Variants in SIPA1L1 observed in about 807,000 individuals in gnomAD.
SIPA1L1 encodes the protein signal induced proliferation associated 1 like 1.
SIPA1L1 carries 26 observed loss-of-function variants against 162.7 expected under a neutral mutation model. The ratio of observed to expected loss-of-function variants is 0.16; its 90% CI spans 0.12 to 0.22. The LOEUF (loss-of-function observed/expected upper bound fraction) is 0.22, where lower values mean the gene tolerates loss of function less well. Ranked by LOEUF, SIPA1L1 falls within the 10% of genes least tolerant of loss-of-function variation. The probability of loss-of-function intolerance (pLI) is 1.00; values close to 1 mark genes in which losing one functional copy is unlikely to be tolerated. For missense variants in SIPA1L1, 1,874 were observed against 2,241.0 expected (o/e 0.84, Z 3.31); for synonymous variants, 829 against 837.4 (o/e 0.99, Z 0.17).
At chr14:71,389,770 T>G (rs1274021120) in intron 2 of SIPA1L1, among the ~76,000 whole-genome samples, 1 of 152,186 alleles carries the variant, frequency 6.6e-6, no homozygotes, top group Non-Finnish European at 1.5e-5. Flanking sequence ...TCACATTTAG[T>G]AGAGACTCAT....
chr14:71,379,086 G>C (rs906693962), intron 2 of SIPA1L1, among the ~76,000 whole-genome samples: 2 of 151,958 alleles, frequency 1.3e-5, no homozygotes, highest in African/African-American at 4.8e-5. Context: ...GCTTCCTCCT[G>C]GTGACTTCCT....
intron 5 of SIPA1L1, among the ~76,000 whole-genome samples, chr14:71,596,249 A>G (rs1297992234): frequency 6.6e-6 from 1 of 152,176 alleles, no homozygotes; most frequent in Non-Finnish European, 1.5e-5. Context: ...AGCATTAGAG[A>G]AGCATTACTA....
Position 71,427,509 on chromosome 14 carries a change from CTT to C in SIPA1L1, c.-464-85232_-464-85231del, listed in dbSNP as rs1276644061. 5.9e-5 allele frequency among the ~76,000 whole-genome samples: 9 copies of C among 152,246 alleles called. No homozygotes were observed. The East Asian group carries it at 1.4e-3, about 23-fold the overall frequency. Reference sequence around the variant, plus strand: ...TTATAATGTGTATCAATGGGGGTCTCTTTGAGTTTTCTTGTCTCCTTTTGGAA... The same window carrying C: ...TTATAATGTGTATCAATGGGGGTCTCTGAGTTTTCTTGTCTCCTTTTGGAA... On this transcript the variant is annotated intron_variant, in intron 2 of 23. Transcript: ENST00000381232.
intron 7 of SIPA1L1, among the ~76,000 whole-genome samples, chr14:71,636,703 A>G (rs573092159): frequency 6.6e-6 from 1 of 152,360 alleles, no homozygotes; most frequent in African/African-American, 2.4e-5. Context: ...TCAGAAATCA[A>G]TGAAATTAAA....
chr14:71,719,125 A>G (rs2083490181), intron 17 of SIPA1L1, among the ~76,000 whole-genome samples: 1 of 151,814 alleles, frequency 6.6e-6, no homozygotes, highest in South Asian at 2.1e-4. Flanking sequence ...TTTTTTATGG[A>G]AACAGGGTTC....
chr14:71,382,964 A>G (rs532765583), intron 2 of SIPA1L1, among the ~76,000 whole-genome samples: 3 of 152,278 alleles, frequency 2.0e-5, no homozygotes, highest in African/African-American at 7.2e-5. Flanking sequence ...GATTTCCCCA[A>G]TGAATAGAGG....
At chr14:71,702,633 C>G (rs951985931) in intron 15 of SIPA1L1, 128 bp downstream of exon 15, 1 of 830,268 alleles carries the variant, frequency 1.2e-6, no homozygotes, top group Non-Finnish European at 1.9e-6. Flanking sequence ...AGAATTAAGT[C>G]TCTGTTAGAT....
In SIPA1L1 at chr14:71,321,115, T is replaced by C. The variant is rs989581464; in HGVS notation, c.-524-7T>C. 48 of 151,890 alleles carry C rather than the reference T, an allele frequency of 3.2e-4. No homozygotes were observed. Among genetic ancestry groups the C allele is most frequent in the African/African-American group, 1.1e-3 (47 of 41,440 alleles). The allele number at this position is 151,890 out of a possible 1,614,324, so 9.4% of individuals were successfully genotyped here. On this transcript the variant is annotated splice_polypyrimidine_tract_variant and splice_region_variant and intron_variant, in intron 1 of 23. Transcript: ENST00000381232. ...CGGCCGTCTACACGGTTTCTCTTTCTCCCCAGGGAGAGCGCGCGGCGGACG... is the reference window on the plus strand; with the variant it reads ...CGGCCGTCTACACGGTTTCTCTTTCCCCCCAGGGAGAGCGCGCGGCGGACG...
intron 1 of SIPA1L1, 123 bp from the exon 2 acceptor site, chr14:71,320,999 C>G (rs1024943289): frequency 6.6e-6 from 1 of 152,166 alleles, no homozygotes; most frequent in African/African-American, 2.4e-5. Context: ...CCACCCCCGC[C>G]TCCCTCGGGC....
At chr14:71,382,282 T>C (rs2039967979) in intron 2 of SIPA1L1, among the ~76,000 whole-genome samples, 1 of 152,248 alleles carries the variant, frequency 6.6e-6, no homozygotes, top group Non-Finnish European at 1.5e-5. Flanking sequence ...GGTGCTGATA[T>C]TATTATTGCA....
intron 6 of SIPA1L1, among the ~76,000 whole-genome samples, chr14:71,623,480 G>T (rs2039656535): frequency 6.6e-6 from 1 of 152,192 alleles, no homozygotes; most frequent in Non-Finnish European, 1.5e-5. Context: ...AGAAATAAGA[G>T]AAAATCTAAA....
At chr14:71,324,512 A>T (rs965004020) in intron 2 of SIPA1L1, among the ~76,000 whole-genome samples, 12 of 152,222 alleles carry the variant, frequency 7.9e-5, no homozygotes, top group Admixed American at 5.9e-4. Flanking sequence ...GAAACGAACG[A>T]TCTGTGGTGA....
At chr14:71,695,120 G>A (rs548693339) in intron 13 of SIPA1L1, among the ~76,000 whole-genome samples, 49 of 152,292 alleles carry the variant, frequency 3.2e-4, no homozygotes, top group African/African-American at 1.1e-3. Context: ...CACTAGGTCT[G>A]TTCTCAAATA....
At position 71,739,176 on chromosome 14, in the gene SIPA1L1, G is replaced by A. The variant is rs767492210; in HGVS notation, c.*15G>A. ...ACATGAGCTAGGGAAGGCTGAGGAG[G>A]ACAGGAGAAGGGCCCAGACACTCCC... On this transcript the variant is annotated 3_prime_UTR_variant, in exon 24 of 24. Transcript: ENST00000381232. 1.7e-5 allele frequency: 28 copies of A among 1,607,390 alleles called. No homozygotes were observed. In the South Asian group the frequency reaches 3.0e-4, roughly 17 times the overall value.
chr14:71,386,975 G>A (rs113068860), intron 2 of SIPA1L1, among the ~76,000 whole-genome samples: 5 of 152,130 alleles, frequency 3.3e-5, no homozygotes, highest in African/African-American at 7.2e-5. Context: ...GTGGCCGGGC[G>A]CAGTGGCTCA....
At chr14:71,525,505 T>C (rs1352895204) in intron 3 of SIPA1L1, among the ~76,000 whole-genome samples, 1 of 152,236 alleles carries the variant, frequency 6.6e-6, no homozygotes, top group Non-Finnish European at 1.5e-5. Context: ...ATTTCAATTA[T>C]TTTCACCTTC....
chr14:71,609,143 G>GT (rs1168386733), intron 5 of SIPA1L1, among the ~76,000 whole-genome samples: 1 of 152,058 alleles, frequency 6.6e-6, no homozygotes, highest in Non-Finnish European at 1.5e-5. Context: ...TTTTTCAGCT[G>GT]TTTTTTCCAA....
chr14:71,326,715 C>CTTTTTTTT (rs34173331), intron 2 of SIPA1L1, among the ~76,000 whole-genome samples: 1 of 107,446 alleles, frequency 9.3e-6, no homozygotes, highest in African/African-American at 3.5e-5. Flanking sequence ...ATGTAATTTG[C>CTTTTTTTT]TTTTTTTTTT....
intron 4 of SIPA1L1, among the ~76,000 whole-genome samples, chr14:71,579,295 T>C (rs1167487639): frequency 6.6e-6 from 1 of 152,232 alleles, no homozygotes; most frequent in Non-Finnish European, 1.5e-5. Context: ...TTACTGATTT[T>C]TTTTTCTATA....
Sources: allele counts gnomAD v4.1 joint callset (sites outside exome capture counted in the v4.1 genomes callset), GRCh38; gene constraint gnomAD v4.1.1; transcripts MANE v1.5; gene names NCBI Gene and HGNC (gene_info 2026-07-23, HGNC 2026-07-21).